SBF2: variants seen among roughly 807,000 people sequenced by gnomAD.
SBF2 encodes the protein SET binding factor 2.
Under a neutral mutation model 225.2 loss-of-function variants are expected in SBF2, and 112 were observed. The ratio of observed to expected loss-of-function variants is 0.50; its 90% CI spans 0.43 to 0.58. SBF2 has a LOEUF of 0.58. Ranked by LOEUF, SBF2 falls within the 20% of genes least tolerant of loss-of-function variation. SBF2 has a pLI of 0.00. For missense variants in SBF2, 1,996 were observed against 2,206.2 expected (o/e 0.90, Z 1.91); for synonymous variants, 763 against 773.3 (o/e 0.99, Z 0.22).
Position 9,845,738 on chromosome 11 carries a change from C to T in SBF2, c.2937G>A (p.Leu979=), listed in dbSNP as rs1057520931. 6.2e-7 allele frequency: 1 copy of T among 1,613,588 alleles called. No homozygotes were observed. Among genetic ancestry groups the T allele is most frequent in the South Asian group, 1.1e-5 (1 of 91,070 alleles). ...CTTCTTCATCAAATGCTACCTTAAT[C>T]AACTAGAAGCAAAAGAGATTAAACA... ...GLQITSASFQ[L]IKVAFDEEVS... is the part of the protein sequence containing the mutation. The change falls in exon 24 of 40, where the codon TTG becomes TTA. Residue 979 remains leucine (L), a splice_region_variant and synonymous_variant. Transcript: ENST00000256190.
intron 2 of SBF2, among the ~76,000 whole-genome samples, chr11:10,144,195 A>G (rs1285796460): frequency 6.6e-6 from 1 of 152,188 alleles, no homozygotes; most frequent in Non-Finnish European, 1.5e-5. Context: ...AGAAATAAAA[A>G]TTACATAATA....
chr11:10,294,567 C>G (rs955627191), upstream of SBF2, among the ~76,000 whole-genome samples: 1 of 152,244 alleles, frequency 6.6e-6, no homozygotes, highest in Non-Finnish European at 1.5e-5. Flanking sequence ...TGCTCCCCAC[C>G]ACCACCAAAG....
intron 14 of SBF2, among the ~76,000 whole-genome samples, chr11:9,964,989 C>A (rs1159771350): frequency 6.6e-6 from 1 of 152,038 alleles, no homozygotes; most frequent in Admixed American, 6.6e-5. Context: ...TATATTGTAG[C>A]CATTAAGTAA....
chr11:10,179,394 A>G (rs1956631682), intron 2 of SBF2, among the ~76,000 whole-genome samples: 1 of 151,144 alleles, frequency 6.6e-6, no homozygotes, highest in African/African-American at 2.4e-5. Flanking sequence ...AAACAAAAAA[A>G]AACAAAAACA....
At chr11:10,108,927 ACT>A (rs1952707520) in intron 2 of SBF2, among the ~76,000 whole-genome samples, 1 of 152,096 alleles carries the variant, frequency 6.6e-6, no homozygotes, top group Non-Finnish European at 1.5e-5. Flanking sequence ...TTCCCACTTA[ACT>A]CTCATTTGCC....
chr11:10,037,679 C>T (rs1230773461), intron 3 of SBF2, among the ~76,000 whole-genome samples: 3 of 149,940 alleles, frequency 2.0e-5, no homozygotes, highest in African/African-American at 7.4e-5. Context: ...TATGTCAAAC[C>T]ATCTTTTTCT....
At chr11:9,874,103 T>C (rs935228813) in intron 17 of SBF2, among the ~76,000 whole-genome samples, 1 of 152,166 alleles carries the variant, frequency 6.6e-6, no homozygotes, top group African/African-American at 2.4e-5. Context: ...GACTGAGCTT[T>C]AGAGTTTAAA....
intron 16 of SBF2, among the ~76,000 whole-genome samples, chr11:9,946,432 T>G (rs1865565022): frequency 6.7e-6 from 1 of 149,090 alleles, no homozygotes; most frequent in South Asian, 2.2e-4. Flanking sequence ...CTATTATATT[T>G]CTTTTTTTCT....
intron 1 of SBF2, among the ~76,000 whole-genome samples, chr11:10,209,305 ATTTG>A (rs1204664359): frequency 1.5e-5 from 1 of 67,982 alleles, no homozygotes. Flanking sequence ...CTCTCCACAA[ATTTG>A]TTTTTTTTTT....
At chr11:10,073,809 CT>C (rs1322078343) in intron 2 of SBF2, among the ~76,000 whole-genome samples, 1 of 152,118 alleles carries the variant, frequency 6.6e-6, no homozygotes, top group African/African-American at 2.4e-5. Context: ...AACAAACCAA[CT>C]GTGAAAAGAT....
At chr11:10,229,567 C>T (rs535971433) in intron 1 of SBF2, among the ~76,000 whole-genome samples, 50 of 152,184 alleles carry the variant, frequency 3.3e-4, no homozygotes, top group South Asian at 1.7e-3. Flanking sequence ...CATTTCGTTA[C>T]GTACCCAGTA....
intron 1 of SBF2, among the ~76,000 whole-genome samples, chr11:10,242,286 G>A (rs1266803018): frequency 3.3e-5 from 5 of 151,924 alleles, no homozygotes; most frequent in Admixed American, 3.3e-4. Flanking sequence ...GACTGTATCA[G>A]CTTCAAACAG....
At chr11:9,872,992 G>C (rs1356887899) in intron 17 of SBF2, among the ~76,000 whole-genome samples, 1 of 151,782 alleles carries the variant, frequency 6.6e-6, no homozygotes, top group Non-Finnish European at 1.5e-5. Flanking sequence ...AGATCATGAG[G>C]TCAGGAGATC....
chr11:9,926,828 T>C (rs913517786), intron 16 of SBF2, among the ~76,000 whole-genome samples: 3 of 152,156 alleles, frequency 2.0e-5, no homozygotes, highest in African/African-American at 7.2e-5. Flanking sequence ...CATTAGCATC[T>C]ACCTTAAGAA....
intron 2 of SBF2, among the ~76,000 whole-genome samples, chr11:10,106,488 A>G (rs991300683): frequency 2.6e-5 from 4 of 152,084 alleles, no homozygotes; most frequent in African/African-American, 9.7e-5. Flanking sequence ...AAATAGCCGG[A>G]CGTGGTGGCG....
rs576119690 is a variant in SBF2 at position 10,129,511 on chromosome 11, G to C, written c.141+64391C>G. On this transcript the variant is annotated intron_variant, in intron 2 of 39. Coordinates refer to ENST00000256190, the MANE Select transcript of SBF2 (RefSeq NM_030962.4). ...AAAAAATAAATTATAAGTAAGGCAG[G>C]TGCTCTCTTATATCAGCTCACACCT... Among the ~76,000 whole-genome samples the C allele has an allele frequency of 1.1e-4, 16 of 152,256 alleles. No homozygotes were observed. In the South Asian group the frequency reaches 3.3e-3, roughly 32 times the overall value.
At chr11:9,989,797 C>T (rs1054479492) in intron 12 of SBF2, among the ~76,000 whole-genome samples, 2 of 152,130 alleles carry the variant, frequency 1.3e-5, no homozygotes, top group Admixed American at 1.3e-4. Flanking sequence ...GTGGTTCCTC[C>T]CTGAGGATTT....
chr11:10,166,870 G>T (rs1233039772), intron 2 of SBF2, among the ~76,000 whole-genome samples: 1 of 152,160 alleles, frequency 6.6e-6, no homozygotes, highest in South Asian at 2.1e-4. Flanking sequence ...ACTGAGGCGG[G>T]AGAATCACTT....
intron 2 of SBF2, among the ~76,000 whole-genome samples, chr11:10,052,501 G>C (rs1433629116): frequency 6.6e-6 from 1 of 152,092 alleles, no homozygotes. Context: ...TAAGAACTTA[G>C]TATAACCTAT....
Sources: gnomAD v4.1 joint callset for allele counts (sites outside exome capture counted in the v4.1 genomes callset) on GRCh38, gnomAD v4.1.1 for gene constraint, MANE v1.5 for transcripts, NCBI Gene and HGNC (gene_info 2026-07-23, HGNC 2026-07-21) for gene names.